Variants in GPBP1L1 observed in about 807,000 individuals in gnomAD.
GPBP1L1 encodes the protein vasculin-like protein 1.
A neutral mutation model predicts 52.5 loss-of-function variants in GPBP1L1; 23 were observed. The ratio of observed to expected loss-of-function variants is 0.44; its 90% confidence interval spans 0.32 to 0.62. The LOEUF is 0.62. GPBP1L1 is among the 20% of genes least tolerant of loss of function. The probability of loss-of-function intolerance (pLI) is 0.06; values close to 1 mark genes in which losing one functional copy is unlikely to be tolerated. For synonymous variants in GPBP1L1, 243 were observed against 203.1 expected (o/e 1.20, Z -1.67); for missense variants, 596 against 579.3 (o/e 1.03, Z -0.30).
At chr1:45,635,209 A>C (rs1161985017) in intron 8 of GPBP1L1, 1 of 152,246 alleles carries the variant, frequency 6.6e-6, no homozygotes, top group African/African-American at 2.4e-5. Context: ...ACAATAAGGA[A>C]GTTCCACAAT....
chr1:45,640,605 C>A (rs964402752), intron 7 of GPBP1L1, among the ~76,000 whole-genome samples: 5 of 152,212 alleles, frequency 3.3e-5, no homozygotes, highest in African/African-American at 1.2e-4. Flanking sequence ...ATATGAGGAA[C>A]TGGATACTAA....
At chr1:45,687,687 C>T (rs1645307448), upstream of GPBP1L1, 1 of 152,230 alleles carries the variant, frequency 6.6e-6, no homozygotes. Context: ...TATCACCACA[C>T]CTTTCATGGA....
Position 45,655,346 on chromosome 1 carries a change from A to G in GPBP1L1, c.61-27T>C, listed in dbSNP as rs1336065247. ...TAAGATGATGAAGTATGGAGAGGCA[A>G]ATGGATAAATAGCTATTAGTCCTTT... On this transcript the variant is annotated intron_variant, in intron 4 of 12. Coordinates refer to ENST00000355105, the MANE Select transcript of GPBP1L1 (RefSeq NM_021639.5). 4.3e-6 allele frequency: 7 copies of G among 1,612,380 alleles called. No individual in the cohort carries two copies. In the Admixed American group the frequency reaches 1.0e-4, roughly 23 times the overall value.
chr1:45,647,382 T>C (rs745408698), intron 6 of GPBP1L1, among the ~76,000 whole-genome samples: 1 of 152,174 alleles, frequency 6.6e-6, no homozygotes, highest in Non-Finnish European at 1.5e-5. Context: ...TTCCAACAGT[T>C]TGTCCTCAGT....
At chr1:45,633,975 A>C in intron 9 of GPBP1L1, 121 bp downstream of exon 9, 2 of 1,131,280 alleles carry the variant, frequency 1.8e-6, no homozygotes, top group Admixed American at 2.4e-5. Context: ...CAATAAAGAA[A>C]CTATTCTCAG....
chr1:45,629,636 A>T lies in GPBP1L1; in HGVS notation c.1212T>A (p.Asp404Glu). 2 of 1,611,754 alleles carry T rather than the reference A, an allele frequency of 1.2e-6. No individual in the cohort carries two copies. Among genetic ancestry groups the T allele is most frequent in the Non-Finnish European group, 1.7e-6 (2 of 1,177,886 alleles). ...CCTCTGTGAGGGGAAGGCAATTCTC[A>T]TCATTTTCAGGATATTCCTGCCAAC... Reference protein sequence around the residue: ...AMGWQEYPENDENCLPLTEDE... With the variant: ...AMGWQEYPENEENCLPLTEDE... The change falls in exon 12 of 13, where the codon GAT becomes GAA. Residue 404 changes from aspartate to glutamate, a missense_variant. By Grantham distance (45) the Asp-to-Glu change is conservative. Transcript: ENST00000355105.
intron 6 of GPBP1L1, chr1:45,651,352 A>G: frequency 2.6e-6 from 1 of 377,372 alleles, no homozygotes; most frequent in South Asian, 2.2e-5. Flanking sequence ...GATCCATGTC[A>G]TATGCAATCA....
In GPBP1L1 at chr1:45,665,494, T is replaced by C. The variant is rs111408562; in HGVS notation, c.-1097-4269A>G. Among the ~76,000 whole-genome samples, 767 of 152,168 alleles carry C rather than the reference T, an allele frequency of 5.0e-3. 8 individuals carry two copies. Among genetic ancestry groups the C allele is most frequent in the African/African-American group, 0.017 (722 of 41,502 alleles). On this transcript the variant is annotated intron_variant, in intron 2 of 12. Transcript: ENST00000355105. ...GGCCAAGCGCGGTGGCTCACACTTG[T>C]AATCCCAGCACTTTGAGAGTCTGAG...
At chr1:45,657,828 C>T (rs577700848) in intron 4 of GPBP1L1, among the ~76,000 whole-genome samples, 2 of 152,146 alleles carry the variant, frequency 1.3e-5, no homozygotes, top group African/African-American at 4.8e-5. Flanking sequence ...ACTCCAGCCT[C>T]GGTGACAGAG....
intron 9 of GPBP1L1, 25 bp downstream of exon 9, chr1:45,634,071 A>G: frequency 6.4e-7 from 1 of 1,573,934 alleles, no homozygotes; most frequent in Non-Finnish European, 8.6e-7. Flanking sequence ...TTCAGAAAAG[A>G]CTGTCCTGCT....
chr1:45,645,969 A>G, intron 6 of GPBP1L1: 1 of 497,612 alleles, frequency 2.0e-6, no homozygotes, highest in Non-Finnish European at 3.9e-6. Context: ...TGAGTTGCAA[A>G]TCAAAGCTGG....
intron 10 of GPBP1L1, 133 bp from the exon 11 acceptor site, chr1:45,630,739 C>T: frequency 2.0e-6 from 2 of 992,750 alleles, no homozygotes; most frequent in Non-Finnish European, 2.9e-6. Context: ...GATTTTTTTC[C>T]CCATTTACAA....
intron 2 of GPBP1L1, among the ~76,000 whole-genome samples, chr1:45,674,670 G>A (rs1645117388): frequency 6.6e-6 from 1 of 152,206 alleles, no homozygotes; most frequent in South Asian, 2.1e-4. Context: ...GCAAGCCATA[G>A]CTCCCAGTCA....
At chr1:45,668,377 G>A (rs1472569310) in intron 2 of GPBP1L1, among the ~76,000 whole-genome samples, 3 of 152,192 alleles carry the variant, frequency 2.0e-5, no homozygotes, top group Non-Finnish European at 2.9e-5. Context: ...CACCTAGCCA[G>A]GTGCAGTGGC....
At chr1:45,665,743 TA>T (rs949281797) in intron 2 of GPBP1L1, among the ~76,000 whole-genome samples, 22,236 of 109,442 alleles carry the variant, frequency 0.2, 1,957 homozygotes, top group Non-Finnish European at 0.22. Flanking sequence ...GACGCCGTCT[TA>T]AAAAAAAAAA....
intron 8 of GPBP1L1, among the ~76,000 whole-genome samples, chr1:45,639,483 C>G (rs551215190): frequency 6.6e-6 from 1 of 150,460 alleles, no homozygotes; most frequent in East Asian, 2.0e-4. Flanking sequence ...TCTCAGCGCT[C>G]TGGGAGGCTG....
chr1:45,637,537 A>AGGTTTGTTTTTTGAGCAGCAGCCTTTG (rs1557696863), intron 8 of GPBP1L1, among the ~76,000 whole-genome samples: 11 of 99,080 alleles, frequency 1.1e-4, no homozygotes, highest in Admixed American at 4.4e-4. Flanking sequence ...AGCAGCCTTT[A>AGGTTTGTTTTTTGAGCAGCAGCCTTTG]TATTAGTTTT....
At chr1:45,631,679 G>A (rs906861544) in intron 10 of GPBP1L1, among the ~76,000 whole-genome samples, 4 of 152,140 alleles carry the variant, frequency 2.6e-5, no homozygotes, top group Admixed American at 1.3e-4. Context: ...TAGCACTTTC[G>A]GAGGCCAAAG....
chr1:45,680,440 T>C (rs532819991), intron 2 of GPBP1L1, among the ~76,000 whole-genome samples: 114 of 152,164 alleles, frequency 7.5e-4, no homozygotes, highest in Non-Finnish European at 1.4e-3. Flanking sequence ...GGTTTCACCA[T>C]GTTGACCAGC....
Sources: gnomAD v4.1 joint callset for allele counts (sites outside exome capture counted in the v4.1 genomes callset) on GRCh38, gnomAD v4.1.1 for gene constraint, MANE v1.5 for transcripts, NCBI Gene and HGNC (gene_info 2026-07-23, HGNC 2026-07-21) for gene names.